The following SPHKAP variants were observed in gnomAD, a reference collection of about 807,000 sequenced individuals.
SPHKAP encodes A-kinase anchor protein SPHKAP.
A neutral mutation model predicts 137.5 loss-of-function variants in SPHKAP; 67 were observed. The ratio of observed to expected loss-of-function variants is 0.49; its 90% confidence interval spans 0.40 to 0.60. The LOEUF (loss-of-function observed/expected upper bound fraction) is 0.60, where lower values mean the gene tolerates loss of function less well. SPHKAP is among the 20% of genes least tolerant of loss of function. SPHKAP has a pLI of 0.00. For missense variants in SPHKAP, 2,097 were observed against 2,069.3 expected (o/e 1.01, Z -0.26); for synonymous variants, 813 against 785.3 (o/e 1.04, Z -0.59).
chr2:228,019,562 C>T lies in SPHKAP; in HGVS notation c.1292G>A (p.Ser431Asn). ...SVSVGSSLLP[S>N]CYSTKDTVVS... ...CACTGTATCTTTTGTGGAATAGCAA[C>T]TGGGAAGCAGAGAACTTCCTACAGA... Residue 431 changes from serine to asparagine, a missense_variant, in exon 7 of 12, where the codon AGT becomes AAT. By Grantham distance (46) the Ser-to-Asn change is conservative (BLOSUM62 1). Transcript: ENST00000392056. 1 of 1,614,186 alleles carries T rather than the reference C, an allele frequency of 6.2e-7. No individual in the cohort carries two copies. The highest frequency in any genetic ancestry group is 2.2e-5 in the East Asian group (1 of 44,876).
chr2:228,112,072 A>C (rs1418448415), intron 2 of SPHKAP, among the ~76,000 whole-genome samples: 2 of 152,124 alleles, frequency 1.3e-5, no homozygotes, highest in Non-Finnish European at 2.9e-5. Flanking sequence ...TCTCAAAGGA[A>C]AGGATGCTTT....
chr2:228,015,576 A>C (rs969189071), intron 7 of SPHKAP, among the ~76,000 whole-genome samples: 2 of 152,218 alleles, frequency 1.3e-5, no homozygotes, highest in Non-Finnish European at 1.5e-5. Flanking sequence ...ATAAGGTGTA[A>C]AAGGAATGGA....
chr2:228,087,377 C>A (rs564236538), intron 3 of SPHKAP, among the ~76,000 whole-genome samples: 135 of 151,718 alleles, frequency 8.9e-4, no homozygotes, highest in Middle Eastern at 3.4e-3. Context: ...AGTTTTTAAT[C>A]AAAAAAAATT....
rs1574752020 is a variant in SPHKAP, at chr2:228,017,311, G to C, written c.3543C>G (p.Pro1181=). The change falls in exon 7 of 12, where the codon CCC becomes CCG. Residue 1181 remains proline (P), a synonymous_variant. Transcript: ENST00000392056. ...TGCTCTCTGTGCTGGACTGCTTAGA[G>C]GGACAGCTAGGCCTCACACTGAGGT... ...SDHLSVRPSC[P]SKQSSTESIT... is the part of the protein sequence containing the mutation. The C allele has an allele frequency of 5.6e-6, 9 of 1,613,820 alleles. No individual in the cohort carries two copies. Among genetic ancestry groups the C allele is most frequent in the Non-Finnish European group, 7.6e-6 (9 of 1,179,978 alleles).
At chr2:228,044,289 G>A (rs1159652386) in intron 3 of SPHKAP, among the ~76,000 whole-genome samples, 1 of 152,178 alleles carries the variant, frequency 6.6e-6, no homozygotes, top group Non-Finnish European at 1.5e-5. Context: ...TAGGGAAGTA[G>A]AAAAATATTT....
chr2:228,102,379 C>T (rs1385525256), intron 3 of SPHKAP, among the ~76,000 whole-genome samples: 1 of 152,072 alleles, frequency 6.6e-6, no homozygotes, highest in East Asian at 1.9e-4. Flanking sequence ...ACCTATATTT[C>T]ACTATAAATT....
intron 3 of SPHKAP, among the ~76,000 whole-genome samples, chr2:228,089,506 C>T (rs1255916090): frequency 6.6e-6 from 1 of 152,216 alleles, no homozygotes; most frequent in East Asian, 1.9e-4. Context: ...TCCAAGCAGG[C>T]TGTGGAAGAA....
At chr2:228,081,052 G>GA (rs539415838) in intron 3 of SPHKAP, among the ~76,000 whole-genome samples, 9 of 150,994 alleles carry the variant, frequency 6.0e-5, no homozygotes, top group African/African-American at 4.8e-5. Context: ...CTGCCAAAAG[G>GA]AAAAAAAAAT....
intron 3 of SPHKAP, among the ~76,000 whole-genome samples, chr2:228,092,615 C>A (rs1490993450): frequency 7.0e-6 from 1 of 142,030 alleles, no homozygotes; most frequent in African/African-American, 2.6e-5. Flanking sequence ...TATATATGTG[C>A]CATATATATG....
intron 2 of SPHKAP, among the ~76,000 whole-genome samples, chr2:228,128,842 T>A (rs561169050): frequency 6.6e-5 from 10 of 152,134 alleles, no homozygotes; most frequent in African/African-American, 2.4e-4. Context: ...TTATGAGCAG[T>A]AGGCTTCAAA....
At chr2:228,165,988 A>G (rs13405515) in intron 1 of SPHKAP, among the ~76,000 whole-genome samples, 20,496 of 152,228 alleles carry the variant, frequency 0.13, 1,389 homozygotes, top group East Asian at 0.2. Flanking sequence ...AGAAAGTAAC[A>G]TTACGGAACT....
chr2:228,046,479 T>G (rs1369158621), intron 3 of SPHKAP, among the ~76,000 whole-genome samples: 1 of 152,130 alleles, frequency 6.6e-6, no homozygotes, highest in Non-Finnish European at 1.5e-5. Context: ...GAATAAATTT[T>G]GCACTTAAAT....
intron 1 of SPHKAP, among the ~76,000 whole-genome samples, chr2:228,152,691 T>C (rs1236865723): frequency 6.6e-6 from 1 of 151,052 alleles, no homozygotes; most frequent in Non-Finnish European, 1.5e-5. Context: ...TTTTATTATT[T>C]TTTGGCCTAG....
At chr2:228,075,002 G>A (rs1301986781) in intron 3 of SPHKAP, among the ~76,000 whole-genome samples, 1 of 152,154 alleles carries the variant, frequency 6.6e-6, no homozygotes, top group African/African-American at 2.4e-5. Context: ...AGGAAGGGGA[G>A]GAAGAAGAGG....
intron 3 of SPHKAP, among the ~76,000 whole-genome samples, chr2:228,086,716 G>A (rs2106321339): frequency 6.6e-6 from 1 of 152,238 alleles, no homozygotes; most frequent in East Asian, 1.9e-4. Flanking sequence ...TTGCCCAGGA[G>A]GAAAGATAGT....
chr2:228,142,840 C>T (rs1166179036), intron 1 of SPHKAP, among the ~76,000 whole-genome samples: 2 of 152,060 alleles, frequency 1.3e-5, no homozygotes, highest in Admixed American at 6.5e-5. Context: ...CATGTACCCC[C>T]TAACCTAAAA....
intron 3 of SPHKAP, among the ~76,000 whole-genome samples, chr2:228,049,027 G>A (rs975850517): frequency 2.6e-5 from 4 of 152,106 alleles, no homozygotes; most frequent in African/African-American, 9.7e-5. Context: ...GTGCTTGAGA[G>A]CCCAGCTCCA....
chr2:228,031,562 C>A (rs1695321720), intron 3 of SPHKAP, among the ~76,000 whole-genome samples: 1 of 152,254 alleles, frequency 6.6e-6, no homozygotes, highest in Non-Finnish European at 1.5e-5. Context: ...AATGGGCAGA[C>A]TGCCTCCTTA....
chr2:228,149,237 A>T (rs1699859737), intron 1 of SPHKAP, among the ~76,000 whole-genome samples: 1 of 152,220 alleles, frequency 6.6e-6, no homozygotes, highest in Non-Finnish European at 1.5e-5. Context: ...CACAATGCTC[A>T]CCTGTAAGGC....
Sources: allele counts gnomAD v4.1 joint callset (sites outside exome capture counted in the v4.1 genomes callset), GRCh38; gene constraint gnomAD v4.1.1; transcripts MANE v1.5; gene names NCBI Gene and HGNC (gene_info 2026-07-23, HGNC 2026-07-21).